DGKI: variants seen among roughly 807,000 people sequenced by gnomAD.
DGKI encodes the protein diacylglycerol kinase iota, also known as DAG kinase iota.
In DGKI, 55 loss-of-function variants were observed where a neutral mutation model predicts 147.5. The observed-to-expected ratio is 0.37, with a 90% CI of 0.30 to 0.47. DGKI has a LOEUF of 0.47. Ranked by LOEUF, DGKI falls within the 20% of genes least tolerant of loss-of-function variation. DGKI has a pLI of 1.00. For synonymous variants in DGKI, 469 were observed against 477.1 expected (o/e 0.98, Z 0.22); for missense variants, 1,007 against 1,323.8 (o/e 0.76, Z 3.71).
At chr7:137,828,968 T>A (rs1011596449) in intron 1 of DGKI, among the ~76,000 whole-genome samples, 2 of 152,212 alleles carry the variant, frequency 1.3e-5, no homozygotes, top group Non-Finnish European at 2.9e-5. Flanking sequence ...ATATCCTTCA[T>A]CTTGAATGAT....
intron 28 of DGKI, among the ~76,000 whole-genome samples, chr7:137,425,118 C>T (rs1006168203): frequency 1.3e-5 from 2 of 150,674 alleles, no homozygotes; most frequent in South Asian, 2.1e-4. Context: ...TGACCCCTGA[C>T]CCCTGAGCAG....
intron 8 of DGKI, among the ~76,000 whole-genome samples, chr7:137,618,151 A>ATATATATATATATATATTTTTTTTT: frequency 2.9e-4 from 3 of 10,444 alleles, no homozygotes; most frequent in African/African-American, 3.8e-4. Flanking sequence ...ATATATATAT[A>ATATATATATATATATATTTTTTTTT]TTTTTTTTTT....
At chr7:137,720,014 C>T (rs913657175) in intron 1 of DGKI, among the ~76,000 whole-genome samples, 1 of 152,104 alleles carries the variant, frequency 6.6e-6, no homozygotes, top group Admixed American at 6.5e-5. Context: ...GAATGGCAAA[C>T]TTGATCTAAT....
chr7:137,600,354 T>C (rs927869028), intron 10 of DGKI, among the ~76,000 whole-genome samples: 1 of 152,210 alleles, frequency 6.6e-6, no homozygotes, highest in African/African-American at 2.4e-5. Flanking sequence ...TGGTCATGGA[T>C]AGCCATAGGT....
At chr7:137,685,036 C>T (rs980629509) in intron 2 of DGKI, among the ~76,000 whole-genome samples, 2 of 152,148 alleles carry the variant, frequency 1.3e-5, no homozygotes, top group Admixed American at 6.5e-5. Context: ...CAGTTTAAAC[C>T]AATCCCACAT....
chr7:137,497,699 C>T (rs1178058245), intron 21 of DGKI, among the ~76,000 whole-genome samples: 1 of 152,048 alleles, frequency 6.6e-6, no homozygotes, highest in African/African-American at 2.4e-5. Flanking sequence ...GAACAGAAAT[C>T]GATTTAATAA....
At position 137,604,193 on chromosome 7, in the gene DGKI, T is replaced by C. The variant is rs567517884; in HGVS notation, c.1168-4288A>G. ...GACAAGAAGATGTTGAGGCTGCATT[T>C]TGACAAGTGTCCTCGTCTACTGACT... is the stretch of plus-strand genomic sequence containing the variant. On this transcript the variant is annotated intron_variant, in intron 10 of 32. Transcript: ENST00000614521. Among the ~76,000 whole-genome samples, 13 of 152,306 alleles carry C rather than the reference T, an allele frequency of 8.5e-5. No individual in the cohort carries two copies. In the East Asian group the frequency reaches 9.6e-4, roughly 11 times the overall value.
chr7:137,547,123 C>T (rs1309955811), intron 20 of DGKI, among the ~76,000 whole-genome samples: 2 of 152,210 alleles, frequency 1.3e-5, no homozygotes, highest in African/African-American at 4.8e-5. Flanking sequence ...AAATAAAGAA[C>T]ATAATCCAGC....
rs117636737 is a variant in DGKI, at chr7:137,632,252, G to A, written c.805-8698C>T. On this transcript the variant is annotated intron_variant, in intron 6 of 32. Coordinates refer to ENST00000614521, the MANE Select transcript of DGKI (RefSeq NM_001321708.2). ...GAATGGATGATCAAGAGAGATGAGG[G>A]CAGATGTTGCAATAAAAAGTCATAA... 8.0e-3 allele frequency among the ~76,000 whole-genome samples: 1,222 copies of A among 152,272 alleles called. 10 individuals are homozygous for A. The highest frequency in any genetic ancestry group is 0.011 in the Non-Finnish European group (736 of 68,020).
intron 1 of DGKI, among the ~76,000 whole-genome samples, chr7:137,778,446 T>G (rs1796426234): frequency 6.6e-6 from 1 of 152,138 alleles, no homozygotes. Context: ...TTGGGTTTGC[T>G]TTTTTGAAAG....
At chr7:137,426,166 A>T (rs1459656614) in intron 28 of DGKI, among the ~76,000 whole-genome samples, 1 of 152,230 alleles carries the variant, frequency 6.6e-6, no homozygotes, top group Non-Finnish European at 1.5e-5. Context: ...TGGGTTACCC[A>T]CAAAGGGAAG....
chr7:137,513,530 G>A (rs540669843), intron 21 of DGKI, among the ~76,000 whole-genome samples: 1 of 152,242 alleles, frequency 6.6e-6, no homozygotes, highest in East Asian at 1.9e-4. Context: ...GCAATCTGTG[G>A]TGAATTATAG....
chr7:137,446,048 G>A (rs1318174847), intron 27 of DGKI, among the ~76,000 whole-genome samples: 1 of 152,204 alleles, frequency 6.6e-6, no homozygotes, highest in Non-Finnish European at 1.5e-5. Context: ...CTGATGAGAA[G>A]TAAGTGAAAA....
rs1159456744 is a variant in DGKI at position 137,388,654 on chromosome 7, T to A, written c.*2566A>T. The A allele has an allele frequency of 6.6e-6, 1 of 152,130 alleles. No individual in the cohort carries two copies. Among genetic ancestry groups the A allele is most frequent in the Non-Finnish European group, 1.5e-5 (1 of 68,030 alleles). The allele number at this position is 152,130 out of a possible 1,614,324, so 9.4% of individuals were successfully genotyped here. A position where few individuals can be genotyped will look rare whatever the true frequency, so the allele number is the denominator to read the frequency against. On this transcript the variant is annotated 3_prime_UTR_variant, in exon 33 of 33. Coordinates refer to ENST00000614521, the MANE Select transcript of DGKI (RefSeq NM_001321708.2). ...AAGCCCAGGACCAATTTTTAAAACA[T>A]GCTACAGGAGGTGGTTTAATGTTGA...
At chr7:137,476,640 T>C (rs1563042936) in intron 23 of DGKI, among the ~76,000 whole-genome samples, 1 of 152,228 alleles carries the variant, frequency 6.6e-6, no homozygotes, top group Non-Finnish European at 1.5e-5. Flanking sequence ...CATAATCTTC[T>C]ATGCATGTGC....
At chr7:137,610,532 T>G (rs145105537) in intron 8 of DGKI, among the ~76,000 whole-genome samples, 259 of 152,344 alleles carry the variant, frequency 1.7e-3, no homozygotes, top group African/African-American at 6.2e-3. Flanking sequence ...GGAGAGTCAA[T>G]GATTAATTAG....
At chr7:137,569,867 A>AGGAGCTATAT (rs1818736588) in intron 19 of DGKI, among the ~76,000 whole-genome samples, 1 of 151,546 alleles carries the variant, frequency 6.6e-6, no homozygotes, top group South Asian at 2.1e-4. Context: ...TCTGGAGATA[A>AGGAGCTATAT]GGAGCTATAT....
intron 20 of DGKI, among the ~76,000 whole-genome samples, chr7:137,548,395 G>T (rs1222513584): frequency 2.0e-5 from 3 of 152,134 alleles, no homozygotes; most frequent in Admixed American, 6.5e-5. Context: ...GAGGTGTTTG[G>T]GTCATGGGGG....
At chr7:137,743,708 G>T (rs1795243665) in intron 1 of DGKI, among the ~76,000 whole-genome samples, 1 of 152,132 alleles carries the variant, frequency 6.6e-6, no homozygotes, top group Non-Finnish European at 1.5e-5. Flanking sequence ...TCTTGGCCGG[G>T]CGCGGTGGCT....
Sources: gnomAD v4.1 joint callset for allele counts (sites outside exome capture counted in the v4.1 genomes callset) on GRCh38, gnomAD v4.1.1 for gene constraint, MANE v1.5 for transcripts, NCBI Gene and HGNC (gene_info 2026-07-23, HGNC 2026-07-21) for gene names.